Variants in ACTA2 observed in about 807,000 individuals in gnomAD.
ACTA2 encodes actin, aortic smooth muscle.
In ACTA2, 12 loss-of-function variants were observed where a neutral mutation model predicts 39.5. The ratio of observed to expected loss-of-function variants is 0.30; its 90% CI spans 0.19 to 0.49. ACTA2 has a LOEUF of 0.49. Among genes scored for constraint, ACTA2 ranks in the 20% least tolerant of loss-of-function variants. The pLI is 0.99. For synonymous variants in ACTA2, 158 were observed against 180.6 expected (o/e 0.88, Z 1.00); for missense variants, 236 against 498.8 (o/e 0.47, Z 5.02).
intron 4 of ACTA2, among the ~76,000 whole-genome samples, chr10:88,943,190 C>G (rs767008894): frequency 3.9e-5 from 6 of 152,204 alleles, no homozygotes; most frequent in Non-Finnish European, 8.8e-5. Context: ...ACTCAGAGCT[C>G]TGTCTGGTGG....
chr10:88,945,740 C>A (rs2133265576), intron 3 of ACTA2, among the ~76,000 whole-genome samples: 1 of 152,146 alleles, frequency 6.6e-6, no homozygotes, highest in African/African-American at 2.4e-5. Context: ...CAGAAATGTA[C>A]CAAACCTGCA....
In ACTA2 at chr10:88,941,766, G is replaced by C; in HGVS notation, c.454+19C>G. 1 of 1,604,812 alleles carries C rather than the reference G, an allele frequency of 6.2e-7. No homozygotes were observed. On this transcript the variant is annotated intron_variant, in intron 5 of 8. Coordinates refer to ENST00000224784, the MANE Select transcript of ACTA2 (RefSeq NM_001613.4). Reference sequence around the variant, plus strand: ...GGCAGTGCGCTCCAACCAGCTTGCTGTCCCGCCCAGCCACCTACCAGTTGT... The same window carrying C: ...GGCAGTGCGCTCCAACCAGCTTGCTCTCCCGCCCAGCCACCTACCAGTTGT...
rs1845899655 is a variant in ACTA2 at position 88,943,814 on chromosome 10, G to T, written c.352C>A (p.Arg118=). ...TEAPLNPKAN[R]EKMTQIMFET... is the part of the protein sequence containing the mutation. Reference sequence around the variant, plus strand: ...ATACTTACTTGAGTCATTTTCTCCCGGTTGGCCTTGGGGTTCAGGGGTGCC... The same window carrying T: ...ATACTTACTTGAGTCATTTTCTCCCTGTTGGCCTTGGGGTTCAGGGGTGCC... Residue 118 remains arginine, a synonymous_variant, in exon 4 of 9, where the codon CGG becomes AGG. Coordinates refer to ENST00000224784, the MANE Select transcript of ACTA2 (RefSeq NM_001613.4). The T allele has an allele frequency of 6.2e-7, 1 of 1,613,622 alleles. No individual in the cohort carries two copies. Among genetic ancestry groups the T allele is most frequent in the Non-Finnish European group, 8.5e-7 (1 of 1,179,742 alleles).
At chr10:88,987,228 T>A (rs1846926741) in intron 1 of ACTA2, among the ~76,000 whole-genome samples, 1 of 152,254 alleles carries the variant, frequency 6.6e-6, no homozygotes, top group African/African-American at 2.4e-5. Context: ...CAATTATCTT[T>A]ACTTGAGCTT....
intron 4 of ACTA2, 181 bp downstream of exon 4, chr10:88,943,616 C>T: frequency 1.4e-6 from 1 of 690,782 alleles, no homozygotes; most frequent in Admixed American, 2.0e-5. Context: ...CTGGTCCCTG[C>T]AGGAAGGATG....
At chr10:88,940,916 C>A (rs778404386) in intron 6 of ACTA2, 5 of 364,526 alleles carry the variant, frequency 1.4e-5, no homozygotes, top group Admixed American at 7.4e-5. Context: ...CTGCCAATCA[C>A]CACACCATGC....
intron 1 of ACTA2, among the ~76,000 whole-genome samples, chr10:88,959,073 G>A (rs919545999): frequency 3.3e-5 from 5 of 152,116 alleles, no homozygotes; most frequent in Non-Finnish European, 7.4e-5. Context: ...TTGCAATGAC[G>A]GAAATATTCA....
Position 88,990,500 on chromosome 10 carries a change from G to C in ACTA2, c.-24+439C>G. On this transcript the variant is annotated intron_variant, in intron 1 of 4. Transcript: ENST00000415557. The surrounding 1 kb of genome is among the most constrained non-coding windows in gnomAD (Gnocchi z 4.9). ...AATGCCCATTTGTGCAACGAACCCT[G>C]ACTCCTTCCTCACCCTGACTTCTCC... The C allele has an allele frequency of 1.7e-6, 1 of 579,530 alleles. No individual in the cohort carries two copies. 35.9% of individuals were successfully genotyped at this position (579,530 alleles called of 1,614,324 possible).
At chr10:88,962,726 T>TA (rs1026614726) in intron 1 of ACTA2, among the ~76,000 whole-genome samples, 1 of 151,942 alleles carries the variant, frequency 6.6e-6, no homozygotes, top group Admixed American at 6.6e-5. Flanking sequence ...ATAAGTGTAT[T>TA]ACTCTGTTCT....
rs1845711312 is a variant in ACTA2 at position 88,935,256 on chromosome 10, G to A, written c.1101C>T (p.Ala367=). The change falls in exon 9 of 9, where the codon GCC becomes GCT. Residue 367 remains alanine, a synonymous_variant. Coordinates refer to ENST00000224784, the MANE Select transcript of ACTA2 (RefSeq NM_001613.4). ...ATTTGCGGTGGACAATGGAAGGCCC[G>A]GCTTCATCGTATTCCTGTTTGCTGA... ...MWISKQEYDE[A]GPSIVHRKCF 2.5e-6 allele frequency: 4 copies of A among 1,613,664 alleles called. No individual in the cohort carries two copies. Among genetic ancestry groups the A allele is most frequent in the African/African-American group, 1.3e-5 (1 of 74,886 alleles).
chr10:88,965,930 CT>C (rs1193325471), intron 1 of ACTA2, among the ~76,000 whole-genome samples: 3 of 152,166 alleles, frequency 2.0e-5, no homozygotes, highest in African/African-American at 7.2e-5. Context: ...CACTCCAGTC[CT>C]TGAAAATGGT....
At chr10:88,958,995 C>T (rs1015937510) in intron 1 of ACTA2, among the ~76,000 whole-genome samples, 14 of 152,100 alleles carry the variant, frequency 9.2e-5, no homozygotes, top group African/African-American at 3.1e-4. Flanking sequence ...TTTCAGAAGC[C>T]TTTGGAGAAG....
At chr10:88,987,358 A>G (rs894048278) in intron 1 of ACTA2, among the ~76,000 whole-genome samples, 1 of 152,248 alleles carries the variant, frequency 6.6e-6, no homozygotes, top group Non-Finnish European at 1.5e-5. Context: ...TAGCTTAAGC[A>G]GAAACTAAGA....
At chr10:88,976,700 T>G (rs747220012) in intron 1 of ACTA2, among the ~76,000 whole-genome samples, 8 of 152,194 alleles carry the variant, frequency 5.3e-5, no homozygotes, top group Non-Finnish European at 8.8e-5. Flanking sequence ...TAATTTTAAA[T>G]TAACAAAATT....
intron 1 of ACTA2, among the ~76,000 whole-genome samples, chr10:88,988,302 T>C (rs1391888618): frequency 6.6e-6 from 1 of 152,024 alleles, no homozygotes; most frequent in African/African-American, 2.4e-5. Context: ...TAGCTGGGAG[T>C]TATTAAAATC....
upstream of ACTA2, among the ~76,000 whole-genome samples, chr10:88,955,494 C>G (rs891136926): frequency 6.6e-6 from 1 of 152,184 alleles, no homozygotes; most frequent in East Asian, 1.9e-4. Flanking sequence ...CTAAGATAGC[C>G]CATGAAGACA....
At chr10:88,955,848 T>C (rs1846129857), upstream of ACTA2, among the ~76,000 whole-genome samples, 1 of 152,182 alleles carries the variant, frequency 6.6e-6, no homozygotes, top group African/African-American at 2.4e-5. Flanking sequence ...GGGGTTATGA[T>C]TCAGAGTTGA....
At chr10:88,976,104 G>C (rs1185332837) in intron 1 of ACTA2, among the ~76,000 whole-genome samples, 2 of 152,134 alleles carry the variant, frequency 1.3e-5, no homozygotes, top group African/African-American at 4.8e-5. Context: ...GTGTAATACA[G>C]GGGTGTCCAA....
At chr10:88,983,479 G>T (rs1846761970) in intron 1 of ACTA2, among the ~76,000 whole-genome samples, 1 of 152,102 alleles carries the variant, frequency 6.6e-6, no homozygotes, top group Non-Finnish European at 1.5e-5. Flanking sequence ...GGCTTTGGAA[G>T]TTCACTTCTG....
Sources: gnomAD v4.1 joint callset for allele counts (sites outside exome capture counted in the v4.1 genomes callset) on GRCh38, gnomAD v4.1.1 for gene constraint, Gnocchi (gnomAD v3.1) non-coding constraint, MANE v1.5 for transcripts, NCBI Gene and HGNC (gene_info 2026-07-23, HGNC 2026-07-21) for gene names.